Variants in ST3GAL1 observed in about 807,000 individuals in gnomAD.
ST3GAL1 encodes CMP-N-acetylneuraminate-beta-galactosamide-alpha-2,3-sialyltransferase 1.
ST3GAL1 carries 16 observed loss-of-function variants against 34.1 expected under a neutral mutation model. The ratio of observed to expected loss-of-function variants is 0.47; its 90% CI spans 0.32 to 0.71. The LOEUF is 0.71. Ranked by LOEUF, ST3GAL1 falls within the 30% of genes least tolerant of loss-of-function variation. The probability of loss-of-function intolerance (pLI) is 0.04; values close to 1 mark genes in which losing one functional copy is unlikely to be tolerated. For missense variants in ST3GAL1, 353 were observed against 447.4 expected (o/e 0.79, Z 1.90); for synonymous variants, 191 against 184.7 (o/e 1.03, Z -0.28).
chr8:133,540,728 C>CATAT (rs57891081), intron 2 of ST3GAL1, among the ~76,000 whole-genome samples: 2 of 88,664 alleles, frequency 2.3e-5, no homozygotes, highest in Non-Finnish European at 4.0e-5. Flanking sequence ...TATATATAGA[C>CATAT]ATATATATAT....
chr8:133,493,865 AG>A (rs1485840630), intron 3 of ST3GAL1, among the ~76,000 whole-genome samples: 1 of 126,130 alleles, frequency 7.9e-6, no homozygotes, highest in African/African-American at 3.0e-5. Context: ...AAAAAAAAAG[AG>A]AGAGAGAGGC....
intron 2 of ST3GAL1, among the ~76,000 whole-genome samples, chr8:133,506,732 C>A (rs1486258682): frequency 2.0e-5 from 3 of 151,904 alleles, no homozygotes; most frequent in South Asian, 4.1e-4. Flanking sequence ...TTGCAGTAAG[C>A]CGAGATCGTG....
chr8:133,471,762 G>A (rs970428528), intron 5 of ST3GAL1, among the ~76,000 whole-genome samples: 21 of 152,024 alleles, frequency 1.4e-4, no homozygotes, highest in African/African-American at 3.9e-4. Flanking sequence ...CTGGAAAGCT[G>A]GGCCCAGGAC....
chr8:133,564,376 TG>T (rs1819329786), intron 1 of ST3GAL1, among the ~76,000 whole-genome samples: 1 of 152,230 alleles, frequency 6.6e-6, no homozygotes, highest in Non-Finnish European at 1.5e-5. Context: ...CAACCTCCTC[TG>T]CTCAGCTCAC....
chr8:133,550,284 C>T (rs145876769), intron 1 of ST3GAL1, among the ~76,000 whole-genome samples: 3 of 152,296 alleles, frequency 2.0e-5, no homozygotes, highest in Non-Finnish European at 2.9e-5. Flanking sequence ...TCCAAGATTG[C>T]TTCCAATTAA....
intron 2 of ST3GAL1, among the ~76,000 whole-genome samples, chr8:133,529,103 G>A (rs1259371551): frequency 6.6e-6 from 1 of 152,254 alleles, no homozygotes; most frequent in Non-Finnish European, 1.5e-5. Context: ...CAGATTTGCA[G>A]ACAGCTGGGC....
At chr8:133,554,348 G>A (rs992302845) in intron 1 of ST3GAL1, among the ~76,000 whole-genome samples, 4 of 152,138 alleles carry the variant, frequency 2.6e-5, no homozygotes, top group Admixed American at 1.3e-4. Flanking sequence ...AATGAGCCAC[G>A]TTTACACTGC....
intron 3 of ST3GAL1, among the ~76,000 whole-genome samples, chr8:133,493,706 C>T (rs1816853633): frequency 6.6e-6 from 1 of 152,114 alleles, no homozygotes; most frequent in South Asian, 2.1e-4. Context: ...ATTAGCCAGG[C>T]ATGGTGGCAT....
chr8:133,507,000 G>A (rs1218004875), intron 2 of ST3GAL1, among the ~76,000 whole-genome samples: 1 of 151,400 alleles, frequency 6.6e-6, no homozygotes, highest in Non-Finnish European at 1.5e-5. Flanking sequence ...AACTGCAGAG[G>A]GACCTCAAAA....
intron 2 of ST3GAL1, among the ~76,000 whole-genome samples, chr8:133,531,592 A>G (rs1222968213): frequency 6.6e-6 from 1 of 152,090 alleles, no homozygotes; most frequent in African/African-American, 2.4e-5. Context: ...CCTGCTTAAA[A>G]AGCCATGTTC....
chr8:133,485,669 C>T (rs1816559340), intron 3 of ST3GAL1, among the ~76,000 whole-genome samples: 1 of 152,220 alleles, frequency 6.6e-6, no homozygotes, highest in South Asian at 2.1e-4. Context: ...CGCTTGACTC[C>T]TTAGAAAAAA....
At chr8:133,546,478 C>CAAAA (rs10553471) in intron 1 of ST3GAL1, among the ~76,000 whole-genome samples, 1 of 114,806 alleles carries the variant, frequency 8.7e-6, no homozygotes, top group African/African-American at 3.1e-5. Flanking sequence ...GAGACTCCGT[C>CAAAA]AAAAAAAAAA....
At chr8:133,527,531 C>G (rs1056161719) in intron 2 of ST3GAL1, among the ~76,000 whole-genome samples, 1 of 152,146 alleles carries the variant, frequency 6.6e-6, no homozygotes, top group African/African-American at 2.4e-5. Context: ...TACAGTGTGA[C>G]GTCAGGCAAG....
chr8:133,510,878 G>A (rs1336014213), intron 2 of ST3GAL1, among the ~76,000 whole-genome samples: 1 of 152,160 alleles, frequency 6.6e-6, no homozygotes, highest in Admixed American at 6.5e-5. Context: ...TCCATCACAG[G>A]GGAAGGACAG....
intron 3 of ST3GAL1, among the ~76,000 whole-genome samples, chr8:133,480,433 G>T (rs1213010021): frequency 1.3e-5 from 2 of 152,114 alleles, no homozygotes; most frequent in African/African-American, 4.8e-5. Flanking sequence ...CACTGAACGG[G>T]ATGGTAGTAA....
chr8:133,462,111 A>G, intron 8 of ST3GAL1, 117 bp from the exon 9 acceptor site: 1 of 1,456,698 alleles, frequency 6.9e-7, no homozygotes, highest in Non-Finnish European at 9.3e-7. Flanking sequence ...CCTAATAGAT[A>G]CGCCTGCACT....
chr8:133,562,852 T>TTCTTTCTTTC (rs748884767), intron 1 of ST3GAL1, among the ~76,000 whole-genome samples: 69 of 56,970 alleles, frequency 1.2e-3, no homozygotes, highest in African/African-American at 2.8e-3. Context: ...CTTTCTTTCT[T>TTCTTTCTTTC]TTTTTTTTTT....
At chr8:133,474,837 T>C (rs1816107432) in intron 5 of ST3GAL1, among the ~76,000 whole-genome samples, 1 of 152,186 alleles carries the variant, frequency 6.6e-6, no homozygotes, top group African/African-American at 2.4e-5. Flanking sequence ...ATGACAAACC[T>C]CATTGGATCT....
chr8:133,501,999 C>A (rs1034997471), intron 2 of ST3GAL1, among the ~76,000 whole-genome samples: 5 of 152,162 alleles, frequency 3.3e-5, no homozygotes, highest in Admixed American at 3.3e-4. Context: ...ACCCTGCGTG[C>A]CTTCTGTCAA....
Sources: gnomAD v4.1 joint callset for allele counts (sites outside exome capture counted in the v4.1 genomes callset) on GRCh38, gnomAD v4.1.1 for gene constraint, MANE v1.5 for transcripts, NCBI Gene and HGNC (gene_info 2026-07-23, HGNC 2026-07-21) for gene names.